Variants in PTPN12 observed in about 807,000 individuals in gnomAD.
PTPN12 encodes protein tyrosine phosphatase non-receptor type 12, also known as tyrosine-protein phosphatase non-receptor type 12.
In PTPN12, 29 loss-of-function variants were observed where a neutral mutation model predicts 97.6. The observed-to-expected ratio is 0.30, with a 90% CI of 0.22 to 0.41. The LOEUF (loss-of-function observed/expected upper bound fraction) is 0.41, where lower values mean the gene tolerates loss of function less well. Ranked by LOEUF, PTPN12 falls within the 10% of genes least tolerant of loss-of-function variation. PTPN12 has a pLI of 1.00. For missense variants in PTPN12, 819 were observed against 926.0 expected (o/e 0.88, Z 1.50); for synonymous variants, 327 against 300.4 (o/e 1.09, Z -0.91).
rs565021130 is a variant in PTPN12, at chr7:77,590,856, G to A, written c.421-1329G>A. The stretch of plus-strand genomic sequence containing the variant: ...TGGGATTATAGGCATGAGCCACCAC[G>A]CCCGGCCTCCATCTATTAAAAAAAA... On this transcript the variant is annotated intron_variant, in intron 5 of 17. Coordinates refer to ENST00000248594, the MANE Select transcript of PTPN12 (RefSeq NM_002835.4). Among the ~76,000 whole-genome samples the A allele has an allele frequency of 1.7e-3, 260 of 151,406 alleles. 1 individual carries two copies. The highest frequency in any genetic ancestry group is 5.6e-3 in the African/African-American group (233 of 41,280).
chr7:77,600,823 C>G lies in PTPN12; in HGVS notation c.695+17C>G. ...TCATTGCAGGTACAAAAGAATTTCC[C>G]AAGTTTATAAATACATTATTTAAGT... On this transcript the variant is annotated intron_variant, in intron 8 of 17. Transcript: ENST00000248594. 6.4e-7 allele frequency: 1 copy of G among 1,560,550 alleles called. No homozygotes were observed. The highest frequency in any genetic ancestry group is 8.7e-7 in the Non-Finnish European group (1 of 1,151,582).
chr7:77,576,781 G>C (rs1190187443), intron 2 of PTPN12, among the ~76,000 whole-genome samples: 1 of 152,240 alleles, frequency 6.6e-6, no homozygotes, highest in African/African-American at 2.4e-5. Flanking sequence ...GCTTTGCCGG[G>C]TGTTAATGGT....
intron 12 of PTPN12, among the ~76,000 whole-genome samples, chr7:77,618,790 A>G (rs949397547): frequency 3.9e-5 from 6 of 152,218 alleles, no homozygotes; most frequent in African/African-American, 9.6e-5. Flanking sequence ...TGTGGATACT[A>G]CCATGAATTG....
intron 8 of PTPN12, among the ~76,000 whole-genome samples, chr7:77,606,037 C>T (rs958164284): frequency 1.4e-5 from 2 of 140,708 alleles, no homozygotes; most frequent in South Asian, 4.5e-4. Context: ...TCACTGCAAC[C>T]TCCACTTCCC....
intron 1 of PTPN12, among the ~76,000 whole-genome samples, chr7:77,555,364 ATTTC>A (rs1396333230): frequency 6.6e-6 from 1 of 151,710 alleles, no homozygotes; most frequent in Non-Finnish European, 1.5e-5. Flanking sequence ...TATTTCAAAT[ATTTC>A]TTCTGTTCCC....
chr7:77,567,642 C>G (rs907971349), intron 1 of PTPN12, among the ~76,000 whole-genome samples: 4 of 152,146 alleles, frequency 2.6e-5, no homozygotes, highest in Non-Finnish European at 5.9e-5. Context: ...ATGTGGCCCT[C>G]CAGGTGATTC....
rs1787514330 is a variant in PTPN12 at position 77,581,487 on chromosome 7, A to G, written c.269A>G (p.Asn90Ser). 3 of 1,593,316 alleles carry G rather than the reference A, an allele frequency of 1.9e-6. No homozygotes were observed. Among genetic ancestry groups the G allele is most frequent in the Non-Finnish European group, 2.6e-6 (3 of 1,164,506 alleles). Residue 90 changes from asparagine to serine, a missense_variant, in exon 3 of 18, where the codon AAT becomes AGT. Transcript: ENST00000248594. Reference protein sequence around the residue: ...KTPSQDSDYINANFIKGVYGP... With the variant: ...KTPSQDSDYISANFIKGVYGP... ...CCTTCACAAGATTCAGACTATATCA[A>G]TGCAAATTTTATAAAGGTATGTACT...
At chr7:77,563,556 G>GA (rs1808089107) in intron 1 of PTPN12, among the ~76,000 whole-genome samples, 2 of 152,172 alleles carry the variant, frequency 1.3e-5, no homozygotes, top group Admixed American at 1.3e-4. Context: ...AAAAAGCAGG[G>GA]AGTTTCTTGG....
intron 5 of PTPN12, among the ~76,000 whole-genome samples, chr7:77,587,494 C>T (rs988461659): frequency 4.6e-5 from 7 of 152,054 alleles, no homozygotes; most frequent in African/African-American, 1.7e-4. Context: ...ATGCTGTAAA[C>T]AGATGTGCTG....
chr7:77,615,578 C>G (rs539980812), intron 11 of PTPN12, among the ~76,000 whole-genome samples: 1 of 152,294 alleles, frequency 6.6e-6, no homozygotes, highest in Non-Finnish European at 1.5e-5. Context: ...GAGACCCCAT[C>G]TATACAAAAC....
chr7:77,613,167 G>T (rs1216896780), intron 11 of PTPN12, among the ~76,000 whole-genome samples: 5 of 88,534 alleles, frequency 5.6e-5, no homozygotes, highest in Non-Finnish European at 9.9e-5. Context: ...TAATTTTTGG[G>T]TTTTTTTTTT....
At chr7:77,618,708 C>G in intron 12 of PTPN12, 143 bp downstream of exon 12, 1 of 583,424 alleles carries the variant, frequency 1.7e-6, no homozygotes, top group Non-Finnish European at 2.8e-6. Context: ...CGTATGACAA[C>G]TGATTTGTTA....
At chr7:77,626,183 G>C (rs1789173415) in intron 12 of PTPN12, among the ~76,000 whole-genome samples, 1 of 152,188 alleles carries the variant, frequency 6.6e-6, no homozygotes, top group African/African-American at 2.4e-5. Flanking sequence ...TAAGCCATCA[G>C]AAATCCAAGG....
intron 9 of PTPN12, among the ~76,000 whole-genome samples, chr7:77,608,022 C>T (rs1172843727): frequency 6.6e-6 from 1 of 152,088 alleles, no homozygotes; most frequent in Admixed American, 6.6e-5. Context: ...TCCAAAGTGC[C>T]GGGATTGTAG....
At chr7:77,623,013 A>C (rs1445364050) in intron 12 of PTPN12, among the ~76,000 whole-genome samples, 2 of 96,408 alleles carry the variant, frequency 2.1e-5, no homozygotes, top group South Asian at 4.9e-4. Context: ...AGAAATTAGC[A>C]AAAAAAAAAA....
At chr7:77,606,605 C>T (rs1315253777) in intron 8 of PTPN12, among the ~76,000 whole-genome samples, 8 of 152,192 alleles carry the variant, frequency 5.3e-5, no homozygotes, top group Non-Finnish European at 1.2e-4. Context: ...AATAGGCCTT[C>T]CTTATTCAAG....
chr7:77,552,417 C>T (rs571541096), intron 1 of PTPN12, among the ~76,000 whole-genome samples: 11 of 151,734 alleles, frequency 7.2e-5, no homozygotes, highest in African/African-American at 2.4e-4. Context: ...TTTATAAGGT[C>T]TCAGCATCAT....
In PTPN12 at chr7:77,639,481, G is replaced by A. The variant is rs1206656530; in HGVS notation, c.*201G>A. On this transcript the variant is annotated 3_prime_UTR_variant, in exon 18 of 18. Transcript: ENST00000248594. ...CATATGGTTTATTTTGAAACTTCAA[G>A]TATTATTGCCTTAATGTCTCTTAAC... The A allele has an allele frequency of 1.9e-6, 1 of 533,224 alleles. No homozygotes were observed. The highest frequency in any genetic ancestry group is 3.0e-5 in the East Asian group (1 of 33,774). 33.0% of individuals were successfully genotyped at this position (533,224 alleles called of 1,614,324 possible). A position where few individuals can be genotyped will look rare whatever the true frequency, so the allele number is the denominator to read the frequency against.
chr7:77,554,682 A>T (rs1260011079), intron 1 of PTPN12, among the ~76,000 whole-genome samples: 3 of 152,114 alleles, frequency 2.0e-5, no homozygotes, highest in Admixed American at 2.0e-4. Context: ...AGATTCTCTT[A>T]ATCTTTTCTG....
Sources: allele counts gnomAD v4.1 joint callset (sites outside exome capture counted in the v4.1 genomes callset), GRCh38; gene constraint gnomAD v4.1.1; transcripts MANE v1.5; gene names NCBI Gene and HGNC (gene_info 2026-07-23, HGNC 2026-07-21).